The following HNRNPUL1 variants were observed in gnomAD, a reference collection of about 807,000 sequenced individuals.
HNRNPUL1 encodes the protein heterogeneous nuclear ribonucleoprotein U like 1.
HNRNPUL1 carries 14 observed loss-of-function variants against 108.5 expected under a neutral mutation model. That is an observed-to-expected ratio of 0.13 (90% CI 0.09 to 0.20). The LOEUF (loss-of-function observed/expected upper bound fraction) is 0.20, where lower values mean the gene tolerates loss of function less well. HNRNPUL1 is among the 10% of genes least tolerant of loss of function. HNRNPUL1 has a pLI of 1.00. For missense variants in HNRNPUL1, 804 were observed against 1,168.3 expected, an observed-to-expected ratio of 0.69 and a Z score of 4.55; for synonymous variants, 422 against 445.2, an observed-to-expected ratio of 0.95 and a Z score of 0.66.
Position 41,292,090 on chromosome 19 carries a change from C to G in HNRNPUL1, c.1000-155C>G, listed in dbSNP as rs541675376. Among the ~76,000 whole-genome samples, 8 of 152,086 alleles carry G rather than the reference C, an allele frequency of 5.3e-5. No individual in the cohort carries two copies. In the South Asian group the frequency reaches 1.5e-3, roughly 28 times the overall value. On this transcript the variant is annotated intron_variant, in intron 7 of 14. Coordinates refer to ENST00000392006, the MANE Select transcript of HNRNPUL1 (RefSeq NM_007040.6). The surrounding 1 kb of genome is among the most constrained non-coding windows in gnomAD (Gnocchi z 4.1). Reference sequence around the variant, plus strand: ...GGCTGGACATTCTCTGAGATGTTCACTGATGCTGCCCAGCTTACCTGTATG... The same window carrying G: ...GGCTGGACATTCTCTGAGATGTTCAGTGATGCTGCCCAGCTTACCTGTATG...
At chr19:41,269,986 CTT>C (rs918753762) in intron 2 of HNRNPUL1, among the ~76,000 whole-genome samples, 9 of 145,044 alleles carry the variant, frequency 6.2e-5, no homozygotes, top group Admixed American at 2.8e-4. Context: ...CCCAGCTACT[CTT>C]TTTTTTTTTT....
intron 10 of HNRNPUL1, among the ~76,000 whole-genome samples, chr19:41,295,074 A>T (rs2036810119): frequency 6.6e-6 from 1 of 152,188 alleles, no homozygotes; most frequent in African/African-American, 2.4e-5. Flanking sequence ...TAAAACAGGG[A>T]TCTCAATACC....
At position 41,306,469 on chromosome 19, in the gene HNRNPUL1, G is replaced by A. The variant is rs1247491637; in HGVS notation, c.2475G>A (p.Gln825=). ...QYQQYAQQWN[Q]YYQNQGQWPP... ...CCCAGTATGCCCAGCAGTGGAACCAGTACTATCAGAACCAGGGCCAGTGGC... is the reference window on the plus strand; with the variant it reads ...CCCAGTATGCCCAGCAGTGGAACCAATACTATCAGAACCAGGGCCAGTGGC... The change falls in exon 15 of 15, where the codon CAG becomes CAA. Residue 825 remains glutamine (Q), a synonymous_variant. Transcript: ENST00000392006. 6.3e-6 allele frequency: 10 copies of A among 1,597,542 alleles called. No individual in the cohort carries two copies. Among genetic ancestry groups the A allele is most frequent in the Non-Finnish European group, 8.5e-6 (10 of 1,173,536 alleles).
chr19:41,264,341 A>C, upstream of HNRNPUL1: 1 of 527,922 alleles, frequency 1.9e-6, no homozygotes, highest in Non-Finnish European at 3.0e-6. Context: ...CGGACGAGGC[A>C]CGAGTGAGGG....
chr19:41,273,910 C>A, intron 3 of HNRNPUL1, 72 bp from the exon 4 acceptor site: 2 of 1,241,620 alleles, frequency 1.6e-6, no homozygotes, highest in South Asian at 1.2e-5. Flanking sequence ...TAGATTACAG[C>A]AGAACATTCA....
chr19:41,287,127 TG>T (rs1300284850), intron 7 of HNRNPUL1, among the ~76,000 whole-genome samples: 1 of 151,964 alleles, frequency 6.6e-6, no homozygotes, highest in Non-Finnish European at 1.5e-5. Flanking sequence ...GTGATTTTTT[TG>T]CCTCAGCCTC....
rs1375536497 is a variant in HNRNPUL1 at position 41,305,697 on chromosome 19, T to A, written c.2284T>A (p.Tyr762Asn). The A allele has an allele frequency of 6.2e-7, 1 of 1,614,130 alleles. No homozygotes were observed. Residue 762 changes from tyrosine to asparagine, a missense_variant, in exon 14 of 15, where the codon TAC becomes AAC. This residue lies in a region of HNRNPUL1 where 294 missense variants were observed against 388.3 expected (regional missense o/e 0.76). Coordinates refer to ENST00000392006, the MANE Select transcript of HNRNPUL1 (RefSeq NM_007040.6). ...PPQPSYSQPP[Y>N]NQGGYSQGYT... The stretch of plus-strand genomic sequence containing the variant: ...CCAGCCGAGTTACAGCCAGCCACCC[T>A]ACAACCAGGGAGGTTACAGCCAGGG...
chr19:41,283,375 G>A (rs2036019936), intron 7 of HNRNPUL1, among the ~76,000 whole-genome samples: 1 of 152,120 alleles, frequency 6.6e-6, no homozygotes, highest in Non-Finnish European at 1.5e-5. Flanking sequence ...CCGCCTCCGG[G>A]GTTCAAGTGA....
chr19:41,284,988 T>C (rs2036135742), intron 7 of HNRNPUL1, among the ~76,000 whole-genome samples: 1 of 133,570 alleles, frequency 7.5e-6, no homozygotes, highest in Admixed American at 8.0e-5. Context: ...AGAGCAAGAC[T>C]CTGTCTCAAA....
Position 41,267,175 on chromosome 19 carries a change from C to T in HNRNPUL1, c.296-1048C>T, listed in dbSNP as rs2034902703. 5.9e-5 allele frequency among the ~76,000 whole-genome samples: 9 copies of T among 152,190 alleles called. 1 individual carries two copies. The South Asian group carries it at 1.9e-3, about 32-fold the overall frequency. On this transcript the variant is annotated intron_variant, in intron 1 of 14. Transcript: ENST00000392006. The stretch of plus-strand genomic sequence containing the variant: ...AACAAATAGTGTGTTCACAGCCCCT[C>T]CAACCCCTGAGGGGTGTTATGAATG...
At position 41,265,085 on chromosome 19, in the gene HNRNPUL1, T is replaced by TTCG. The variant is rs1409554636; in HGVS notation, c.295+287_295+288insTCG. 45 of 1,410,420 alleles carry TTCG rather than the reference T, an allele frequency of 3.2e-5. No homozygotes were observed. The South Asian group carries it at 6.1e-4, about 19-fold the overall frequency. The allele number at this position is 1,410,420 out of a possible 1,614,324, so 87.4% of individuals were successfully genotyped here. A position where few individuals can be genotyped will look rare whatever the true frequency, so the allele number is the denominator to read the frequency against. The stretch of plus-strand genomic sequence containing the variant: ...ACCGTAGGGATCGGAGACCGGAAAC[T>TTCG]GCTTTCTGGAGCCGAAGAGAGTCGG... On this transcript the variant is annotated intron_variant, in intron 1 of 14. Coordinates refer to ENST00000392006, the MANE Select transcript of HNRNPUL1 (RefSeq NM_007040.6).
rs879077564 is a variant in HNRNPUL1 at position 41,292,335 on chromosome 19, G to T, written c.1090G>T (p.Gly364Trp). 7 of 1,614,090 alleles carry T rather than the reference G, an allele frequency of 4.3e-6. No individual in the cohort carries two copies. The highest frequency in any genetic ancestry group is 5.9e-6 in the Non-Finnish European group (7 of 1,180,054). The part of the protein sequence containing the change: ...IAFRIQKEAL[G>W]GQALYPHVLV... The stretch of plus-strand genomic sequence containing the variant: ...TTTCCGAATCCAGAAGGAAGCCTTG[G>T]GGGGTCAGGCCCTCTATCCTCATGT... Residue 364 changes from glycine (G) to tryptophan (W), a missense_variant, in exon 8 of 15, where the codon GGG (glycine) becomes TGG (tryptophan). Coordinates refer to ENST00000392006, the MANE Select transcript of HNRNPUL1 (RefSeq NM_007040.6). The surrounding 1 kb of genome is among the most constrained non-coding windows in gnomAD (Gnocchi z 4.1).
chr19:41,268,628 G>A (rs945875287), intron 2 of HNRNPUL1, among the ~76,000 whole-genome samples: 65 of 152,220 alleles, frequency 4.3e-4, no homozygotes, highest in Middle Eastern at 3.4e-3. Flanking sequence ...GGAGGCCGAG[G>A]CAGGTGGATC....
At chr19:41,300,724 C>T (rs142566470) in intron 10 of HNRNPUL1, among the ~76,000 whole-genome samples, 2,189 of 152,284 alleles carry the variant, frequency 0.014, 30 homozygotes, top group South Asian at 0.055. Context: ...GCTAGAGCAC[C>T]GCTCTGCCAG....
In HNRNPUL1 at chr19:41,294,246, C is replaced by G; in HGVS notation, c.1267-92C>G. The G allele has an allele frequency of 6.9e-7, 1 of 1,458,556 alleles. No individual in the cohort carries two copies. Among genetic ancestry groups the G allele is most frequent in the Non-Finnish European group, 9.5e-7 (1 of 1,055,048 alleles). The allele number at this position is 1,458,556 out of a possible 1,614,324, so 90.4% of individuals were successfully genotyped here. On this transcript the variant is annotated intron_variant, in intron 8 of 14. Transcript: ENST00000392006. The surrounding 1 kb of genome is among the most constrained non-coding windows in gnomAD (Gnocchi z 4.3). ...TTCCGCTTTGTAGAGGCAGCCACAG[C>G]TCAGAGGTCCAGAGTCACACTCACA...
intron 4 of HNRNPUL1, among the ~76,000 whole-genome samples, chr19:41,274,806 C>T (rs1383838430): frequency 6.6e-6 from 1 of 152,160 alleles, no homozygotes; most frequent in Admixed American, 6.5e-5. Context: ...AAAGCACTGG[C>T]TACATGCTTT....
At chr19:41,266,831 T>C (rs948727810) in intron 1 of HNRNPUL1, among the ~76,000 whole-genome samples, 3 of 152,120 alleles carry the variant, frequency 2.0e-5, no homozygotes, top group Non-Finnish European at 4.4e-5. Flanking sequence ...GGGTAGGCAG[T>C]GGCCTAGAGA....
Position 41,292,641 on chromosome 19 carries a change from G to T in HNRNPUL1, c.1266+130G>T. 1 of 1,158,030 alleles carries T rather than the reference G, an allele frequency of 8.6e-7. No individual in the cohort carries two copies. The allele number at this position is 1,158,030 out of a possible 1,614,324, so 71.7% of individuals were successfully genotyped here. A position where few individuals can be genotyped will look rare whatever the true frequency, so the allele number is the denominator to read the frequency against. ...GTGGCCACTTTGTCCCAGCTCCTCAGGGTTGGACTCAGAGCTGAAAAGCTG... is the reference window on the plus strand; with the variant it reads ...GTGGCCACTTTGTCCCAGCTCCTCATGGTTGGACTCAGAGCTGAAAAGCTG... On this transcript the variant is annotated intron_variant, in intron 8 of 14. Coordinates refer to ENST00000392006, the MANE Select transcript of HNRNPUL1 (RefSeq NM_007040.6). This position sits in a 1 kb window ranked among gnomAD's most constrained non-coding sequence, Gnocchi z 4.1.
intron 7 of HNRNPUL1, among the ~76,000 whole-genome samples, chr19:41,287,318 C>T (rs1039285173): frequency 2.6e-5 from 4 of 151,994 alleles, no homozygotes; most frequent in Non-Finnish European, 5.9e-5. Flanking sequence ...CTGGCTGATT[C>T]TTAAGAGTAA....
Sources: allele counts gnomAD v4.1 joint callset (sites outside exome capture counted in the v4.1 genomes callset), GRCh38; gene constraint gnomAD v4.1.1; regional missense constraint gnomAD v4.1.1; non-coding constraint Gnocchi (gnomAD v3.1); transcripts MANE v1.5; gene names NCBI Gene and HGNC (gene_info 2026-07-23, HGNC 2026-07-21).